IQUB: variants seen among roughly 807,000 people sequenced by gnomAD.
IQUB encodes IQ motif and ubiquitin domain containing.
IQUB carries 86 observed loss-of-function variants against 86.4 expected under a neutral mutation model. The observed-to-expected ratio is 1.00, with a 90% CI of 0.84 to 1.19. The LOEUF is 1.19. IQUB is among the 50% of genes most tolerant of loss of function. The probability of loss-of-function intolerance (pLI) is 0.00; values close to 1 mark genes in which losing one functional copy is unlikely to be tolerated. For synonymous variants in IQUB, 289 were observed against 304.5 expected (o/e 0.95, Z 0.53); for missense variants, 946 against 916.9 (o/e 1.03, Z -0.41).
chr7:123,524,957 A>G (rs1234956141), intron 1 of IQUB, among the ~76,000 whole-genome samples: 1 of 151,970 alleles, frequency 6.6e-6, no homozygotes, highest in Admixed American at 6.6e-5. Context: ...TATTGAGATA[A>G]TCATGTGGTT....
intron 3 of IQUB, among the ~76,000 whole-genome samples, chr7:123,506,022 A>G (rs2117225382): frequency 6.6e-6 from 1 of 152,268 alleles, no homozygotes; most frequent in South Asian, 2.1e-4. Context: ...CTTCCACCAG[A>G]TACCCTAAAT....
At chr7:123,467,160 G>GT (rs985117169) in intron 9 of IQUB, among the ~76,000 whole-genome samples, 3 of 151,328 alleles carry the variant, frequency 2.0e-5, no homozygotes, top group Non-Finnish European at 4.4e-5. Flanking sequence ...TGACCATAAT[G>GT]TAAGCTCAAT....
chr7:123,469,434 A>G (rs775563672), intron 8 of IQUB, 50 bp from the exon 9 acceptor site: 1 of 1,142,976 alleles, frequency 8.7e-7, no homozygotes, highest in Admixed American at 2.7e-5. Flanking sequence ...GAAACTACGT[A>G]TAACAATTTT....
chr7:123,479,181 A>G (rs1360189677), intron 8 of IQUB, among the ~76,000 whole-genome samples: 1 of 152,168 alleles, frequency 6.6e-6, no homozygotes, highest in Non-Finnish European at 1.5e-5. Flanking sequence ...AATTGTTTGG[A>G]AAGACTAGGT....
At chr7:123,511,136 A>G (rs1305484833) in intron 2 of IQUB, among the ~76,000 whole-genome samples, 1 of 152,150 alleles carries the variant, frequency 6.6e-6, no homozygotes, top group Non-Finnish European at 1.5e-5. Flanking sequence ...TTATATGGAC[A>G]CATCACACAA....
intron 2 of IQUB, 57 bp from the exon 3 acceptor site, chr7:123,510,092 C>T (rs981127369): frequency 9.1e-7 from 1 of 1,101,616 alleles, no homozygotes; most frequent in African/African-American, 1.6e-5. Context: ...GGTCAGCAAA[C>T]TACAGTCCAC....
At chr7:123,466,640 A>T (rs1794275324) in intron 9 of IQUB, among the ~76,000 whole-genome samples, 1 of 152,198 alleles carries the variant, frequency 6.6e-6, no homozygotes, top group Non-Finnish European at 1.5e-5. Context: ...CTTGGAGGAC[A>T]GACACACAAA....
intron 11 of IQUB, among the ~76,000 whole-genome samples, chr7:123,460,071 C>T (rs2116959236): frequency 6.6e-6 from 1 of 152,026 alleles, no homozygotes; most frequent in Admixed American, 6.6e-5. Context: ...TGAGGCAGAA[C>T]AGCATGTGTT....
In IQUB at chr7:123,496,887, T is replaced by C; in HGVS notation, c.1043A>G (p.Tyr348Cys). ...GATTTTAGCATGCCATTGCCTGTAGTAAGTCTGTATCACTATCACCTATAG... is the reference window on the plus strand; with the variant it reads ...GATTTTAGCATGCCATTGCCTGTAGCAAGTCTGTATCACTATCACCTATAG... ...RLKAVIVIQT[Y>C]YRQWHAKIFV... The change falls in exon 7 of 13, where the codon TAC becomes TGC. Residue 348 changes from tyrosine (Y) to cysteine (C), a missense_variant. Transcript: ENST00000324698. 1 of 1,610,434 alleles carries C rather than the reference T, an allele frequency of 6.2e-7. No individual in the cohort carries two copies. Among genetic ancestry groups the C allele is most frequent in the Non-Finnish European group, 8.5e-7 (1 of 1,178,168 alleles).
chr7:123,482,964 C>T (rs1795071093), intron 7 of IQUB, among the ~76,000 whole-genome samples: 1 of 152,082 alleles, frequency 6.6e-6, no homozygotes, highest in Non-Finnish European at 1.5e-5. Context: ...TTATTCTGAA[C>T]AAATATTCCC....
At chr7:123,495,239 AGTAG>A (rs1420394813) in intron 7 of IQUB, among the ~76,000 whole-genome samples, 2 of 152,096 alleles carry the variant, frequency 1.3e-5, no homozygotes, top group African/African-American at 4.8e-5. Context: ...ATACTACCAT[AGTAG>A]TTGTAAATAT....
intron 7 of IQUB, among the ~76,000 whole-genome samples, chr7:123,495,179 A>G (rs1387023817): frequency 6.6e-6 from 1 of 152,082 alleles, no homozygotes; most frequent in Non-Finnish European, 1.5e-5. Context: ...TTAGGATAAA[A>G]TGGAAAACAG....
chr7:123,527,175 T>C (rs1797264867), intron 1 of IQUB, among the ~76,000 whole-genome samples: 3 of 152,202 alleles, frequency 2.0e-5, no homozygotes, highest in South Asian at 2.1e-4. Context: ...TCAGCTCCTT[T>C]AAGCACTTTT....
At chr7:123,469,644 AT>A in intron 8 of IQUB, among the ~76,000 whole-genome samples, 1 of 152,164 alleles carries the variant, frequency 6.6e-6, no homozygotes, top group African/African-American at 2.4e-5. Context: ...CTAGTTTTTT[AT>A]GTTGAATTGT....
intron 8 of IQUB, among the ~76,000 whole-genome samples, chr7:123,475,604 T>C (rs555457676): frequency 6.6e-6 from 1 of 152,160 alleles, no homozygotes; most frequent in South Asian, 2.1e-4. Flanking sequence ...GAAGAATAGA[T>C]ATTGTGTAAG....
intron 7 of IQUB, among the ~76,000 whole-genome samples, chr7:123,481,293 T>C (rs756058358): frequency 1.8e-4 from 27 of 152,224 alleles, no homozygotes; most frequent in Non-Finnish European, 3.5e-4. Flanking sequence ...ATTTCTTCAA[T>C]TGTGCATCAT....
intron 9 of IQUB, 69 bp from the exon 10 acceptor site, chr7:123,465,078 C>T: frequency 3.2e-6 from 3 of 935,516 alleles, no homozygotes; most frequent in South Asian, 1.5e-5. Context: ...AAATTGCCAC[C>T]AAAACAAACC....
chr7:123,461,938 T>G (rs1188790588), intron 10 of IQUB, among the ~76,000 whole-genome samples: 1 of 151,854 alleles, frequency 6.6e-6, no homozygotes, highest in Admixed American at 6.6e-5. Flanking sequence ...TTTAGATTTT[T>G]TTCAGTTCTA....
intron 1 of IQUB, among the ~76,000 whole-genome samples, chr7:123,519,487 T>C (rs2117309085): frequency 6.6e-6 from 1 of 152,306 alleles, no homozygotes; most frequent in Admixed American, 6.5e-5. Flanking sequence ...TGAAATTATG[T>C]CATTTGCAAC....
Sources: gnomAD v4.1 joint callset for allele counts (sites outside exome capture counted in the v4.1 genomes callset) on GRCh38, gnomAD v4.1.1 for gene constraint, MANE v1.5 for transcripts, NCBI Gene and HGNC (gene_info 2026-07-23, HGNC 2026-07-21) for gene names.